Variants in ADAM7 observed in about 807,000 individuals in gnomAD.
ADAM7 encodes ADAM metallopeptidase domain 7, also known as disintegrin and metalloproteinase domain-containing protein 7.
A neutral mutation model predicts 102.9 loss-of-function variants in ADAM7; 97 were observed. The observed-to-expected ratio is 0.94, with a 90% confidence interval of 0.80 to 1.12. The LOEUF (loss-of-function observed/expected upper bound fraction) is 1.12, where lower values mean the gene tolerates loss of function less well. Among genes scored for constraint, ADAM7 ranks in the 50% most tolerant of loss-of-function variants. ADAM7 has a pLI of 0.00. For synonymous variants in ADAM7, 334 were observed against 304.4 expected, an observed-to-expected ratio of 1.10 and a Z score of -1.01; for missense variants, 991 against 908.7, an observed-to-expected ratio of 1.09 and a Z score of -1.16.
rs1380739408 is a variant in ADAM7 at position 24,491,944 on chromosome 8, A to C, written c.1398A>C (p.Glu466Asp). 6.2e-7 allele frequency: 1 copy of C among 1,613,378 alleles called. No individual in the cohort carries two copies. The highest frequency in any genetic ancestry group is 2.2e-5 in the East Asian group (1 of 44,810). ...CCATATGCAGACCGGCGAAAGATGA[A>C]TGTGATTTTCCTGAGATGTGCACTG... is the stretch of plus-strand genomic sequence containing the variant. Reference protein sequence around the residue: ...AGSICRPAKDECDFPEMCTGH... With the variant: ...AGSICRPAKDDCDFPEMCTGH... The change falls in exon 14 of 22, where the codon GAA becomes GAC. Residue 466 changes from glutamate (E) to aspartate (D), a missense_variant. Physicochemically the swap from Glu to Asp is conservative, Grantham distance 45 (BLOSUM62 2). Transcript: ENST00000175238.
chr8:24,468,885 G>C, intron 7 of ADAM7, 65 bp downstream of exon 7: 1 of 1,433,970 alleles, frequency 7.0e-7, no homozygotes, highest in African/African-American at 1.4e-5. Flanking sequence ...TATCATTCTA[G>C]CATAGAGAGA....
rs148174961 is a variant in ADAM7 at position 24,474,245 on chromosome 8, C to T, written c.634-2188C>T. ...TAAATCAAAATTAGTAAGTTCTAAG[C>T]ACTAAACAGATAGGCTTACACTGGC... On this transcript the variant is annotated intron_variant, in intron 7 of 21. Transcript: ENST00000175238. Among the ~76,000 whole-genome samples the T allele has an allele frequency of 1.7e-3, 253 of 152,142 alleles. 4 individuals are homozygous for T. In the East Asian group the frequency reaches 0.031, roughly 19 times the overall value.
chr8:24,487,060 T>C (rs1820167276), intron 10 of ADAM7, 127 bp from the exon 11 acceptor site: 2 of 969,878 alleles, frequency 2.1e-6, no homozygotes, highest in Admixed American at 2.9e-5. Context: ...ACTGAGTCCA[T>C]GCCTTTTTAA....
chr8:24,466,558 G>T (rs1485345113), intron 5 of ADAM7, among the ~76,000 whole-genome samples: 1 of 152,082 alleles, frequency 6.6e-6, no homozygotes, highest in Non-Finnish European at 1.5e-5. Context: ...TACACTACCT[G>T]TACTCAAAGC....
intron 8 of ADAM7, among the ~76,000 whole-genome samples, chr8:24,480,044 C>T (rs772944705): frequency 5.9e-5 from 9 of 152,088 alleles, no homozygotes; most frequent in Admixed American, 6.6e-5. Flanking sequence ...TTCCCCCATG[C>T]CTTTTTGTAA....
chr8:24,477,292 T>C (rs940698008), intron 8 of ADAM7, among the ~76,000 whole-genome samples: 1 of 152,224 alleles, frequency 6.6e-6, no homozygotes, highest in Admixed American at 6.5e-5. Context: ...AAAGTTACTA[T>C]GCACGGCTCA....
At chr8:24,465,557 T>G (rs2129381856) in intron 4 of ADAM7, 142 bp from the exon 5 acceptor site, 1 of 457,386 alleles carries the variant, frequency 2.2e-6, no homozygotes, top group Non-Finnish European at 3.6e-6. Flanking sequence ...TGAAAGAATT[T>G]AATGAATGAA....
chr8:24,472,822 A>T (rs1458656545), intron 7 of ADAM7, among the ~76,000 whole-genome samples: 1 of 152,098 alleles, frequency 6.6e-6, no homozygotes, highest in Non-Finnish European at 1.5e-5. Flanking sequence ...AGAGCCAAGT[A>T]CTAATTCTTT....
At chr8:24,500,938 C>A in intron 19 of ADAM7, 43 bp downstream of exon 19, 1 of 1,489,956 alleles carries the variant, frequency 6.7e-7, no homozygotes, top group Non-Finnish European at 9.3e-7. Flanking sequence ...GGAATTGTTA[C>A]TGAGAATATG....
chr8:24,446,046 A>T (rs562937347), intron 2 of ADAM7, among the ~76,000 whole-genome samples: 1 of 150,120 alleles, frequency 6.7e-6, no homozygotes, highest in Admixed American at 6.6e-5. Flanking sequence ...AGAGACCTCC[A>T]CCGTCTACAC....
chr8:24,449,183 C>T (rs182585496), intron 3 of ADAM7, among the ~76,000 whole-genome samples: 3 of 152,174 alleles, frequency 2.0e-5, no homozygotes, highest in South Asian at 2.1e-4. Context: ...TGGGATGGCT[C>T]GGTCAAATGG....
At chr8:24,458,296 T>C (rs1440028809) in intron 3 of ADAM7, among the ~76,000 whole-genome samples, 1 of 152,236 alleles carries the variant, frequency 6.6e-6, no homozygotes, top group Non-Finnish European at 1.5e-5. Context: ...ATCTCAGCAG[T>C]GTTGAGTATT....
chr8:24,456,434 AT>A (rs1180331159), intron 3 of ADAM7, among the ~76,000 whole-genome samples: 2 of 152,282 alleles, frequency 1.3e-5, no homozygotes, highest in Middle Eastern at 3.4e-3. Context: ...TGCAATGAAT[AT>A]GGGGGAGGAG....
At chr8:24,485,636 T>TG (rs146350698) in intron 10 of ADAM7, among the ~76,000 whole-genome samples, 3,062 of 152,284 alleles carry the variant, frequency 0.02, 105 homozygotes, top group African/African-American at 0.07. Flanking sequence ...CTTTTGCATA[T>TG]GAAATATAGC....
intron 3 of ADAM7, among the ~76,000 whole-genome samples, chr8:24,462,513 C>G (rs992723751): frequency 4.6e-5 from 7 of 152,164 alleles, no homozygotes; most frequent in African/African-American, 1.7e-4. Context: ...CCTTCTTCAC[C>G]TCTCATGCTG....
chr8:24,475,516 G>C (rs1315729507), intron 7 of ADAM7, among the ~76,000 whole-genome samples: 1 of 151,428 alleles, frequency 6.6e-6, no homozygotes. Flanking sequence ...TGATAATTAA[G>C]AGAATATTTG....
chr8:24,465,494 T>C lies in ADAM7; in HGVS notation c.313-205T>C, dbSNP rs550625771. Reference sequence around the variant, plus strand: ...AATCTATACTTTGCTTTACACAACATAATCACATAATTAAGGTAAAATGTC... The same window carrying C: ...AATCTATACTTTGCTTTACACAACACAATCACATAATTAAGGTAAAATGTC... On this transcript the variant is annotated intron_variant, in intron 4 of 21. Coordinates refer to ENST00000175238, the MANE Select transcript of ADAM7 (RefSeq NM_003817.4). 2.0e-5 allele frequency among the ~76,000 whole-genome samples: 3 copies of C among 152,318 alleles called. No homozygotes were observed. In the East Asian group the frequency reaches 5.8e-4, roughly 29 times the overall value.
chr8:24,458,822 A>G (rs1050080893), intron 3 of ADAM7, among the ~76,000 whole-genome samples: 5 of 152,040 alleles, frequency 3.3e-5, no homozygotes, highest in African/African-American at 7.2e-5. Context: ...TTCCTTGAAA[A>G]GTTTTTTGCA....
Position 24,441,035 on chromosome 8 carries a change from G to A in ADAM7, c.-74G>A. The A allele has an allele frequency of 2.1e-6, 3 of 1,402,138 alleles. No individual in the cohort carries two copies. Among genetic ancestry groups the A allele is most frequent in the South Asian group, 1.2e-5 (1 of 86,050 alleles). The allele number at this position is 1,402,138 out of a possible 1,614,324, so 86.9% of individuals were successfully genotyped here. ...ATCTGTGAGGTGCTTCATCCCTGCAGTGGAAGTGAGGAGGAAGAAAGGTGA... is the reference window on the plus strand; with the variant it reads ...ATCTGTGAGGTGCTTCATCCCTGCAATGGAAGTGAGGAGGAAGAAAGGTGA... On this transcript the variant is annotated 5_prime_UTR_variant, in exon 1 of 22. It adds an upstream start codon to the 5' untranslated region. Coordinates refer to ENST00000175238, the MANE Select transcript of ADAM7 (RefSeq NM_003817.4).
Sources: allele counts gnomAD v4.1 joint callset (sites outside exome capture counted in the v4.1 genomes callset), GRCh38; gene constraint gnomAD v4.1.1; transcripts MANE v1.5; gene names NCBI Gene and HGNC (gene_info 2026-07-23, HGNC 2026-07-21).